The following MBNL1 variants were observed in gnomAD, a reference collection of about 807,000 sequenced individuals.
MBNL1 encodes muscleblind like splicing regulator 1.
In MBNL1, 8 loss-of-function variants were observed where a neutral mutation model predicts 42.2. That is an observed-to-expected ratio of 0.19 (90% CI 0.11 to 0.34). The LOEUF (loss-of-function observed/expected upper bound fraction) is 0.34. Ranked by LOEUF, MBNL1 falls within the 10% of genes least tolerant of loss-of-function variation. The pLI is 1.00. For synonymous variants in MBNL1, 169 were observed against 173.9 expected (o/e 0.97, Z 0.22); for missense variants, 309 against 495.3 (o/e 0.62, Z 3.57).
chr3:152,420,675 A>G (rs1168725511), intron 3 of MBNL1, among the ~76,000 whole-genome samples: 1 of 152,236 alleles, frequency 6.6e-6, no homozygotes, highest in African/African-American at 2.4e-5. Context: ...CCAGCTCAAA[A>G]AGGCTGAAAA....
intron 1 of MBNL1, among the ~76,000 whole-genome samples, chr3:152,296,079 G>T (rs1375351403): frequency 1.3e-5 from 2 of 152,170 alleles, no homozygotes; most frequent in Non-Finnish European, 2.9e-5. Flanking sequence ...AGACTGATAA[G>T]GATTCAGAAG....
chr3:152,302,250 A>G (rs950907698), intron 2 of MBNL1: 3 of 152,118 alleles, frequency 2.0e-5, no homozygotes, highest in Non-Finnish European at 2.9e-5. Context: ...ATCAATGCAA[A>G]CTTTGTCCTT....
At chr3:152,425,783 C>T (rs575485719) in intron 3 of MBNL1, among the ~76,000 whole-genome samples, 36 of 152,260 alleles carry the variant, frequency 2.4e-4, no homozygotes, top group Middle Eastern at 6.8e-3. Context: ...ATGTGGAAGA[C>T]AGTGTGGCAA....
At chr3:152,380,694 TTTAAC>T (rs1446214435) in intron 2 of MBNL1, among the ~76,000 whole-genome samples, 1 of 152,078 alleles carries the variant, frequency 6.6e-6, no homozygotes, top group Non-Finnish European at 1.5e-5. Flanking sequence ...CATTATGTAC[TTTAAC>T]ACAACTTTAA....
At chr3:152,300,984 T>G in intron 2 of MBNL1, 2 of 909,914 alleles carry the variant, frequency 2.2e-6, no homozygotes, top group Middle Eastern at 5.7e-4. Context: ...GTGAGTTATA[T>G]AAATAAGTAG....
rs397953163 is a variant in MBNL1 at position 152,325,804 on chromosome 3, T to TC, written c.174+25441dup. On this transcript the variant is annotated intron_variant, in intron 2 of 9. Transcript: ENST00000324210. ...GATATGAACTCATTCTTTTTTTTTT[T>TC]CCCCTGTGATTTCTGTCTTTTTTGT... Among the ~76,000 whole-genome samples, 14 of 151,074 alleles carry TC rather than the reference T, an allele frequency of 9.3e-5. No individual in the cohort carries two copies. In the Middle Eastern group the frequency reaches 0.014, roughly 148 times the overall value.
intron 2 of MBNL1, among the ~76,000 whole-genome samples, chr3:152,403,348 T>C (rs1412158982): frequency 1.3e-5 from 2 of 152,236 alleles, no homozygotes; most frequent in Non-Finnish European, 2.9e-5. Context: ...GACTAAGCTC[T>C]TTCAAGTATC....
intron 2 of MBNL1, among the ~76,000 whole-genome samples, chr3:152,400,379 T>G (rs916508107): frequency 2.6e-5 from 4 of 152,220 alleles, no homozygotes; most frequent in Non-Finnish European, 5.9e-5. Flanking sequence ...AAAGCAATAT[T>G]GTCAGGTTAA....
At chr3:152,346,982 A>G (rs1241532651) in intron 2 of MBNL1, among the ~76,000 whole-genome samples, 3 of 151,972 alleles carry the variant, frequency 2.0e-5, no homozygotes, top group African/African-American at 7.2e-5. Context: ...AGGTGGAGAC[A>G]AGCCTGGGCA....
In MBNL1 at chr3:152,391,040, T is replaced by C. The variant is rs1257627998; in HGVS notation, c.175-23901T>C. Among the ~76,000 whole-genome samples, 3 of 152,260 alleles carry C rather than the reference T, an allele frequency of 2.0e-5. No individual in the cohort carries two copies. In the South Asian group the frequency reaches 6.2e-4, roughly 32 times the overall value. On this transcript the variant is annotated intron_variant, in intron 2 of 9. Coordinates refer to ENST00000324210, the MANE Select transcript of MBNL1 (RefSeq NM_021038.5). Reference sequence around the variant, plus strand: ...GGTATTGACTTCACACAAATGTTCATTTAAATCCTCTTATATAACCTTATC... The same window carrying C: ...GGTATTGACTTCACACAAATGTTCACTTAAATCCTCTTATATAACCTTATC...
chr3:152,412,037 G>C (rs764268823), intron 2 of MBNL1, among the ~76,000 whole-genome samples: 4 of 152,040 alleles, frequency 2.6e-5, no homozygotes, highest in Non-Finnish European at 5.9e-5. Context: ...TGCTACTAAG[G>C]GCTCAGAGAT....
intron 1 of MBNL1, among the ~76,000 whole-genome samples, chr3:152,275,697 A>G (rs1261407262): frequency 1.6e-5 from 2 of 124,778 alleles, no homozygotes; most frequent in Non-Finnish European, 3.2e-5. Context: ...ACAGAGCAAG[A>G]CTCTTGTCTC....
intron 2 of MBNL1, among the ~76,000 whole-genome samples, chr3:152,377,771 T>TA (rs2096975155): frequency 6.6e-6 from 1 of 152,242 alleles, no homozygotes; most frequent in African/African-American, 2.4e-5. Context: ...TCTATCATGT[T>TA]AATCTATTGT....
At chr3:152,443,277 A>C (rs1166532663) in intron 4 of MBNL1, among the ~76,000 whole-genome samples, 1 of 151,372 alleles carries the variant, frequency 6.6e-6, no homozygotes, top group Non-Finnish European at 1.5e-5. Flanking sequence ...GAGTAACCTA[A>C]ATTGGAAAAG....
At chr3:152,425,589 C>T (rs1189426505) in intron 3 of MBNL1, among the ~76,000 whole-genome samples, 1 of 149,106 alleles carries the variant, frequency 6.7e-6, no homozygotes, top group Non-Finnish European at 1.5e-5. Flanking sequence ...GCCTGGGTAA[C>T]AGAGAGAGGA....
At chr3:152,350,086 C>G (rs182121314) in intron 2 of MBNL1, among the ~76,000 whole-genome samples, 1 of 152,120 alleles carries the variant, frequency 6.6e-6, no homozygotes, top group East Asian at 1.9e-4. Flanking sequence ...AAAGACAAAC[C>G]TTGGCGCATC....
intron 2 of MBNL1, among the ~76,000 whole-genome samples, chr3:152,313,174 C>T (rs1413917199): frequency 6.6e-6 from 1 of 152,094 alleles, no homozygotes; most frequent in Non-Finnish European, 1.5e-5. Flanking sequence ...AGGCGTGCAC[C>T]ACCACACCTG....
At chr3:152,379,844 A>G (rs970694350) in intron 2 of MBNL1, among the ~76,000 whole-genome samples, 16 of 152,080 alleles carry the variant, frequency 1.1e-4, no homozygotes, top group African/African-American at 3.9e-4. Context: ...CCTCTGCTCC[A>G]TTGGAATGAG....
chr3:152,271,484 A>G (rs751998722), intron 1 of MBNL1, among the ~76,000 whole-genome samples: 4 of 152,200 alleles, frequency 2.6e-5, no homozygotes, highest in African/African-American at 9.7e-5. Context: ...TGATAGATCT[A>G]TATGGAAACA....
Sources: gnomAD v4.1 joint callset for allele counts (sites outside exome capture counted in the v4.1 genomes callset) on GRCh38, gnomAD v4.1.1 for gene constraint, MANE v1.5 for transcripts, NCBI Gene and HGNC (gene_info 2026-07-23, HGNC 2026-07-21) for gene names.